Variants in LMBR1 observed in about 807,000 individuals in gnomAD.
LMBR1 encodes limb development membrane protein 1.
LMBR1 carries 52 observed loss-of-function variants against 73.9 expected under a neutral mutation model. That is an observed-to-expected ratio of 0.70 (90% confidence interval 0.56 to 0.89). The LOEUF is 0.89. Among genes scored for constraint, LMBR1 ranks in the 40% least tolerant of loss-of-function variants. LMBR1 has a pLI of 0.00. For synonymous variants in LMBR1, 215 were observed against 209.4 expected, an observed-to-expected ratio of 1.03 and a Z score of -0.23; for missense variants, 539 against 579.8, an observed-to-expected ratio of 0.93 and a Z score of 0.72.
At chr7:156,848,647 A>AATTTCT (rs1795829554) in intron 1 of LMBR1, among the ~76,000 whole-genome samples, 1 of 152,148 alleles carries the variant, frequency 6.6e-6, no homozygotes, top group Non-Finnish European at 1.5e-5. Context: ...AAAGAGAAAT[A>AATTTCT]CTGGCTGGGC....
chr7:156,687,769 C>T (rs1806282427), intron 16 of LMBR1, among the ~76,000 whole-genome samples: 1 of 152,150 alleles, frequency 6.6e-6, no homozygotes, highest in African/African-American at 2.4e-5. Flanking sequence ...TAGGATGTGC[C>T]AGGCGCTATG....
At chr7:156,886,327 T>C (rs917690097) in intron 1 of LMBR1, among the ~76,000 whole-genome samples, 1 of 152,174 alleles carries the variant, frequency 6.6e-6, no homozygotes, top group Non-Finnish European at 1.5e-5. Flanking sequence ...TAACAGGTTA[T>C]AGGAGGAGCT....
At chr7:156,780,987 C>T (rs757983349) in intron 5 of LMBR1, among the ~76,000 whole-genome samples, 1 of 152,164 alleles carries the variant, frequency 6.6e-6, no homozygotes, top group African/African-American at 2.4e-5. Flanking sequence ...TTTACTGGAA[C>T]GTTAGTTTTC....
chr7:156,694,174 T>C (rs1339682325), intron 15 of LMBR1, among the ~76,000 whole-genome samples: 1 of 152,170 alleles, frequency 6.6e-6, no homozygotes, highest in Non-Finnish European at 1.5e-5. Flanking sequence ...CATTTTTTTT[T>C]TTAAGAGACA....
intron 4 of LMBR1, among the ~76,000 whole-genome samples, chr7:156,814,459 G>A (rs1193661643): frequency 6.6e-6 from 1 of 152,166 alleles, no homozygotes; most frequent in Non-Finnish European, 1.5e-5. Context: ...ATGTAGGTGT[G>A]TACATGTACA....
In LMBR1 at chr7:156,681,280, G is replaced by A. The variant is rs746253016; in HGVS notation, c.*2798C>T. 3.9e-5 allele frequency: 16 copies of A among 408,586 alleles called. No individual in the cohort carries two copies. The highest frequency in any genetic ancestry group is 1.5e-4 in the East Asian group (2 of 13,732). 25.3% of individuals were successfully genotyped at this position (408,586 alleles called of 1,614,324 possible). ...TGCCGCTGAGAGCAGGTACACGTGC[G>A]CCTTTAACACATCTGAGAGCAAAAC... On this transcript the variant is annotated 3_prime_UTR_variant, in exon 17 of 17. Transcript: ENST00000353442.
chr7:156,794,966 T>C lies in LMBR1; in HGVS notation c.423+1423A>G, dbSNP rs536685503. Among the ~76,000 whole-genome samples, 6 of 152,320 alleles carry C rather than the reference T, an allele frequency of 3.9e-5. No individual in the cohort carries two copies. The East Asian group carries it at 1.2e-3, about 29-fold the overall frequency. ...AAAAAAATTATTTTCAAAAATCCTA[T>C]TCTGGCTTCTCTGTTGCCTACAACA... On this transcript the variant is annotated intron_variant, in intron 5 of 16. Transcript: ENST00000353442.
At chr7:156,790,445 A>C (rs1829003540) in intron 5 of LMBR1, among the ~76,000 whole-genome samples, 1 of 152,090 alleles carries the variant, frequency 6.6e-6, no homozygotes, top group Non-Finnish European at 1.5e-5. Context: ...TGAAGATTGA[A>C]GTCCAGGTAT....
At chr7:156,834,364 G>A (rs1837228885) in intron 2 of LMBR1, 1 of 155,720 alleles carries the variant, frequency 6.4e-6, no homozygotes, top group African/African-American at 2.4e-5. Context: ...ACTTTGGGAA[G>A]CTGAGGTGGG....
chr7:156,767,756 C>T (rs772121255), intron 5 of LMBR1, among the ~76,000 whole-genome samples: 14 of 151,528 alleles, frequency 9.2e-5, no homozygotes, highest in South Asian at 4.2e-4. Flanking sequence ...ATATAAAATA[C>T]GAAAACAGGA....
chr7:156,675,450 GCCAA>G (rs1447873499), downstream of LMBR1, among the ~76,000 whole-genome samples: 1 of 152,196 alleles, frequency 6.6e-6, no homozygotes, highest in Non-Finnish European at 1.5e-5. Flanking sequence ...TATTCAGTAT[GCCAA>G]GGTGCCGTAT....
In LMBR1 at chr7:156,680,166, CA is replaced by C. The variant is rs1354248915; in HGVS notation, c.*3911del. On this transcript the variant is annotated 3_prime_UTR_variant, in exon 17 of 17. Transcript: ENST00000353442. ...CAAAAACCAAAAAAAAAAAAAACTC[CA>C]AAAAGGTCTTTGTATTATTTCTTCT... 1 of 151,118 alleles carries C rather than the reference CA, an allele frequency of 6.6e-6. No homozygotes were observed. The highest frequency in any genetic ancestry group is 1.5e-5 in the Non-Finnish European group (1 of 67,836). The allele number at this position is 151,118 out of a possible 1,614,324, so 9.4% of individuals were successfully genotyped here. A position where few individuals can be genotyped will look rare whatever the true frequency, so the allele number is the denominator to read the frequency against.
At chr7:156,684,266 T>C in intron 16 of LMBR1, 103 bp from the exon 17 acceptor site, 1 of 908,084 alleles carries the variant, frequency 1.1e-6, no homozygotes, top group Non-Finnish European at 1.8e-6. Flanking sequence ...AAGTGTTATT[T>C]GGAAAGCTGT....
At chr7:156,779,635 G>A in intron 5 of LMBR1, 1 of 1,218,832 alleles carries the variant, frequency 8.2e-7, no homozygotes, top group Non-Finnish European at 1.1e-6. Context: ...TCAATGAAGT[G>A]AAAATTACAA....
At chr7:156,766,747 A>T (rs1012318510) in intron 5 of LMBR1, among the ~76,000 whole-genome samples, 1 of 152,086 alleles carries the variant, frequency 6.6e-6, no homozygotes, top group Non-Finnish European at 1.5e-5. Flanking sequence ...GCTGCTGGTG[A>T]CAGTCTGCAG....
chr7:156,773,920 G>C (rs1010141123), intron 5 of LMBR1, among the ~76,000 whole-genome samples: 1 of 151,638 alleles, frequency 6.6e-6, no homozygotes, highest in African/African-American at 2.4e-5. Flanking sequence ...AACCAACAGA[G>C]TAAACAACAA....
At chr7:156,784,760 C>T (rs139210870) in intron 5 of LMBR1, among the ~76,000 whole-genome samples, 86 of 152,276 alleles carry the variant, frequency 5.6e-4, no homozygotes, top group African/African-American at 1.9e-3. Flanking sequence ...GCATTGCTCT[C>T]TACTTCCTCC....
At chr7:156,677,206 A>G (rs1023055231), downstream of LMBR1, 1 of 152,558 alleles carries the variant, frequency 6.6e-6, no homozygotes, top group Non-Finnish European at 1.5e-5. Context: ...ACCTTTTTGG[A>G]TAAGAATTGT....
intron 15 of LMBR1, among the ~76,000 whole-genome samples, chr7:156,697,280 AG>A (rs982088851): frequency 6.6e-6 from 1 of 152,224 alleles, no homozygotes; most frequent in African/African-American, 2.4e-5. Flanking sequence ...CATGCTTCTG[AG>A]GGAACAGGAC....
Sources: allele counts gnomAD v4.1 joint callset (sites outside exome capture counted in the v4.1 genomes callset), GRCh38; gene constraint gnomAD v4.1.1; transcripts MANE v1.5; gene names NCBI Gene and HGNC (gene_info 2026-07-23, HGNC 2026-07-21).